Variants in TTC28 observed in about 807,000 individuals in gnomAD.
The protein encoded by TTC28 is tetratricopeptide repeat protein 28.
In TTC28, 61 loss-of-function variants were observed where a neutral mutation model predicts 198.0. The ratio of observed to expected loss-of-function variants is 0.31; its 90% confidence interval spans 0.25 to 0.38. The LOEUF (loss-of-function observed/expected upper bound fraction) is 0.38. Among genes scored for constraint, TTC28 ranks in the 10% least tolerant of loss-of-function variants. The pLI is 1.00. For missense variants in TTC28, 2,678 were observed against 3,164.0 expected, an observed-to-expected ratio of 0.85 and a Z score of 3.69; for synonymous variants, 1,171 against 1,297.8, an observed-to-expected ratio of 0.90 and a Z score of 2.10.
chr22:28,187,754 A>G (rs1317897269), intron 5 of TTC28, among the ~76,000 whole-genome samples: 1 of 152,334 alleles, frequency 6.6e-6, no homozygotes, highest in South Asian at 2.1e-4. Context: ...GATGTGCTTC[A>G]GGGGTTTGGT....
At chr22:28,333,730 A>G (rs970273794) in intron 2 of TTC28, among the ~76,000 whole-genome samples, 4 of 152,052 alleles carry the variant, frequency 2.6e-5, no homozygotes, top group African/African-American at 9.7e-5. Flanking sequence ...TTAAAACCCT[A>G]TATTTATTAA....
At chr22:28,270,610 C>A (rs566198437) in intron 5 of TTC28, among the ~76,000 whole-genome samples, 1 of 152,104 alleles carries the variant, frequency 6.6e-6, no homozygotes, top group South Asian at 2.1e-4. Flanking sequence ...CATTAATGTT[C>A]TTTTCTATTA....
In TTC28 at chr22:28,108,212, T is replaced by C. The variant is rs1391006542; in HGVS notation, c.1633A>G (p.Met545Val). 3 of 1,551,470 alleles carry C rather than the reference T, an allele frequency of 1.9e-6. No homozygotes were observed. The highest frequency in any genetic ancestry group is 2.6e-6 in the Non-Finnish European group (3 of 1,146,824). Reference protein sequence around the residue: ...KYHRQELQISMEVNDRASQAS... With the variant: ...KYHRQELQISVEVNDRASQAS... ...TGTGAGGCGCGGTCATTCACTTCCA[T>C]GGAGATCTGCAGCTCCTGCCGATGG... Residue 545 changes from methionine (M) to valine (V), a missense_variant, in exon 7 of 23, where the codon ATG becomes GTG. By Grantham distance (21) the Met-to-Val change is conservative (BLOSUM62 1). Transcript: ENST00000397906.
intron 13 of TTC28, among the ~76,000 whole-genome samples, chr22:28,024,527 G>A (rs144278314): frequency 1.3e-5 from 2 of 152,308 alleles, no homozygotes; most frequent in Non-Finnish European, 2.9e-5. Flanking sequence ...CCTGTCAAGA[G>A]AGGGACACAA....
chr22:28,379,972 G>A (rs531551209), intron 2 of TTC28, among the ~76,000 whole-genome samples: 3 of 151,904 alleles, frequency 2.0e-5, no homozygotes, highest in South Asian at 2.1e-4. Context: ...GGACATCCAC[G>A]GGAAAACTAG....
At chr22:28,656,740 G>A (rs2051662049) in intron 1 of TTC28, among the ~76,000 whole-genome samples, 1 of 152,146 alleles carries the variant, frequency 6.6e-6, no homozygotes, top group South Asian at 2.1e-4. Flanking sequence ...ATATCTCATT[G>A]TTCAATTCCC....
At chr22:28,471,429 C>T (rs766849721) in intron 2 of TTC28, among the ~76,000 whole-genome samples, 13 of 152,114 alleles carry the variant, frequency 8.5e-5, no homozygotes, top group African/African-American at 3.1e-4. Flanking sequence ...CTAGAACAGT[C>T]TCTGTGACAA....
At chr22:28,014,072 T>TCCA (rs1053090167) in intron 14 of TTC28, among the ~76,000 whole-genome samples, 176 bp downstream of exon 14, 18 of 152,160 alleles carry the variant, frequency 1.2e-4, no homozygotes, top group African/African-American at 4.3e-4. Flanking sequence ...AAGTCTGTGC[T>TCCA]CCACCTTATT....
In TTC28 at chr22:28,105,709, G is replaced by A. The variant is rs765546235; in HGVS notation, c.2877C>T (p.Ala959=). The change falls in exon 8 of 23, where the codon GCC becomes GCT. Residue 959 remains alanine (A), a synonymous_variant. Transcript: ENST00000397906. ...TGTGCAGACTTCCCAGCTCTCCATA[G>A]GCCTGGGCTTTATTGAAGGCCTCTC... is the stretch of plus-strand genomic sequence containing the variant. ...ELGEAFNKAQ[A]YGELGSLHSQ... 7.1e-6 allele frequency: 11 copies of A among 1,551,648 alleles called. No individual in the cohort carries two copies. The highest frequency in any genetic ancestry group is 8.7e-6 in the Non-Finnish European group (10 of 1,147,036).
At chr22:28,176,720 T>C (rs1177442068) in intron 5 of TTC28, among the ~76,000 whole-genome samples, 2 of 152,124 alleles carry the variant, frequency 1.3e-5, no homozygotes, top group African/African-American at 2.4e-5. Flanking sequence ...AAAAGAGAAA[T>C]ACATTTTTTA....
intron 2 of TTC28, among the ~76,000 whole-genome samples, chr22:28,584,019 T>TTG (rs555014892): frequency 4.8e-4 from 67 of 138,450 alleles, no homozygotes; most frequent in African/African-American, 1.7e-3. Flanking sequence ...TTGTTTTGTT[T>TTG]TTTTTTTTTT....
intron 13 of TTC28, among the ~76,000 whole-genome samples, chr22:28,019,961 G>A (rs1213030255): frequency 3.3e-5 from 5 of 152,228 alleles, no homozygotes; most frequent in Non-Finnish European, 7.4e-5. Flanking sequence ...CTGCCACGGC[G>A]GCCTCACCGG....
chr22:28,209,586 G>A (rs952157959), intron 5 of TTC28, among the ~76,000 whole-genome samples: 5 of 152,204 alleles, frequency 3.3e-5, no homozygotes, highest in African/African-American at 9.6e-5. Context: ...GCGAGGCTGG[G>A]GGAGGGGCGT....
intron 21 of TTC28, among the ~76,000 whole-genome samples, chr22:27,988,892 G>C (rs1267307182): frequency 2.6e-5 from 4 of 152,182 alleles, no homozygotes; most frequent in African/African-American, 9.7e-5. Flanking sequence ...TTCCTAAGGC[G>C]TCCCTTAGAC....
chr22:28,011,774 A>G (rs1442527781), intron 14 of TTC28, among the ~76,000 whole-genome samples: 3 of 152,086 alleles, frequency 2.0e-5, no homozygotes, highest in Admixed American at 2.0e-4. Flanking sequence ...GAAGGTTTCA[A>G]AGAGGAGGTG....
chr22:28,461,069 C>G (rs2047943242), intron 2 of TTC28, among the ~76,000 whole-genome samples: 1 of 152,184 alleles, frequency 6.6e-6, no homozygotes, highest in Admixed American at 6.5e-5. Context: ...TACGGTCTGC[C>G]TCTGAAAAAA....
intron 2 of TTC28, among the ~76,000 whole-genome samples, chr22:28,350,382 C>T (rs932750135): frequency 6.6e-6 from 1 of 151,902 alleles, no homozygotes; most frequent in African/African-American, 2.4e-5. Context: ...TAATGATAGC[C>T]CTTGAATTAG....
intron 12 of TTC28, among the ~76,000 whole-genome samples, chr22:28,092,924 A>G (rs1712057380): frequency 1.3e-5 from 2 of 152,342 alleles, no homozygotes; most frequent in South Asian, 4.1e-4. Flanking sequence ...GCTAGAAATG[A>G]AATTCTTATA....
intron 2 of TTC28, among the ~76,000 whole-genome samples, chr22:28,546,568 T>A (rs960363992): frequency 4.6e-5 from 7 of 152,144 alleles, no homozygotes; most frequent in African/African-American, 1.4e-4. Context: ...TGGCAAACAA[T>A]ACTGTAGTTT....
Sources: allele counts gnomAD v4.1 joint callset (sites outside exome capture counted in the v4.1 genomes callset), GRCh38; gene constraint gnomAD v4.1.1; transcripts MANE v1.5; gene names NCBI Gene and HGNC (gene_info 2026-07-23, HGNC 2026-07-21).